Variants in NOS1AP observed in about 807,000 individuals in gnomAD.
NOS1AP encodes carboxyl-terminal PDZ ligand of neuronal nitric oxide synthase protein.
NOS1AP carries 21 observed loss-of-function variants against 56.2 expected under a neutral mutation model. The ratio of observed to expected loss-of-function variants is 0.37; its 90% confidence interval spans 0.26 to 0.54. The LOEUF (loss-of-function observed/expected upper bound fraction) is 0.54. Ranked by LOEUF, NOS1AP falls within the 20% of genes least tolerant of loss-of-function variation. The probability of loss-of-function intolerance (pLI) is 0.84; values close to 1 mark genes in which losing one functional copy is unlikely to be tolerated. For missense variants in NOS1AP, 522 were observed against 657.8 expected (o/e 0.79, Z 2.26); for synonymous variants, 270 against 274.6 (o/e 0.98, Z 0.17).
At chr1:162,072,432 G>A (rs899459598) in intron 1 of NOS1AP, among the ~76,000 whole-genome samples, 1 of 152,196 alleles carries the variant, frequency 6.6e-6, no homozygotes, top group African/African-American at 2.4e-5. Context: ...GGGGCTGTGT[G>A]ATGTAGTTCC....
intron 1 of NOS1AP, among the ~76,000 whole-genome samples, chr1:162,131,263 T>C (rs944285862): frequency 5.3e-5 from 8 of 151,974 alleles, no homozygotes; most frequent in African/African-American, 1.4e-4. Context: ...CAAATAACTG[T>C]ATTAAAATAA....
At chr1:162,155,759 A>C (rs557258418) in intron 2 of NOS1AP, among the ~76,000 whole-genome samples, 1 of 152,310 alleles carries the variant, frequency 6.6e-6, no homozygotes, top group South Asian at 2.1e-4. Flanking sequence ...GAACAGAATA[A>C]ATTACCTTGT....
intron 4 of NOS1AP, among the ~76,000 whole-genome samples, chr1:162,320,401 A>G (rs1198261356): frequency 6.6e-6 from 1 of 152,184 alleles, no homozygotes; most frequent in Non-Finnish European, 1.5e-5. Context: ...CACTGGGAAG[A>G]TTTTGCCTAA....
Position 162,261,547 on chromosome 1 carries a change from C to A in NOS1AP, c.178-25797C>A, listed in dbSNP as rs61808491. Reference sequence around the variant, plus strand: ...GAGAGAGAGAGAGAGAGAGAGAGAGCAATGAAATGACTGGAACAGAGGAAA... The same window carrying A: ...GAGAGAGAGAGAGAGAGAGAGAGAGAAATGAAATGACTGGAACAGAGGAAA... On this transcript the variant is annotated intron_variant, in intron 2 of 9. Coordinates refer to ENST00000361897, the MANE Select transcript of NOS1AP (RefSeq NM_014697.3). Among the ~76,000 whole-genome samples, 76 of 34,178 alleles carry A rather than the reference C, an allele frequency of 2.2e-3. 11 individuals carry two copies. The highest frequency in any genetic ancestry group is 5.0e-3 in the African/African-American group (71 of 14,302). The allele number at this position is 34,178 out of a possible 152,430, so 22.4% of individuals were successfully genotyped here.
At chr1:162,078,620 C>T (rs1558089211) in intron 1 of NOS1AP, among the ~76,000 whole-genome samples, 1 of 152,202 alleles carries the variant, frequency 6.6e-6, no homozygotes, top group Non-Finnish European at 1.5e-5. Context: ...TCTGATCCCC[C>T]TCATCCCTTA....
At position 162,070,192 on chromosome 1, in the gene NOS1AP, C is replaced by A; in HGVS notation, c.15C>A (p.Thr5=). The A allele has an allele frequency of 6.2e-7, 1 of 1,613,926 alleles. No individual in the cohort carries two copies. Among genetic ancestry groups the A allele is most frequent in the Non-Finnish European group, 8.5e-7 (1 of 1,179,852 alleles). Residue 5 remains threonine (T), a synonymous_variant, in exon 1 of 10, where the codon ACC becomes ACA. Transcript: ENST00000361897. MPSK[T]KYNLVDDGHD... ...CGCGGGTAACCATGCCTAGCAAAACCAAGTACAACCTTGTGGACGATGGGC... is the reference window on the plus strand; with the variant it reads ...CGCGGGTAACCATGCCTAGCAAAACAAAGTACAACCTTGTGGACGATGGGC...
At chr1:162,325,076 C>G (rs1006804431) in intron 4 of NOS1AP, among the ~76,000 whole-genome samples, 5 of 152,054 alleles carry the variant, frequency 3.3e-5, no homozygotes, top group African/African-American at 9.7e-5. Context: ...TGCCAAATAG[C>G]CCTGAGGAAG....
chr1:162,206,074 T>C (rs1652153532), intron 2 of NOS1AP, among the ~76,000 whole-genome samples: 1 of 152,238 alleles, frequency 6.6e-6, no homozygotes, highest in Admixed American at 6.5e-5. Context: ...AACAGTAGCA[T>C]AAAACCTTTT....
At chr1:162,273,218 C>G (rs1183459484) in intron 2 of NOS1AP, among the ~76,000 whole-genome samples, 2 of 136,988 alleles carry the variant, frequency 1.5e-5, no homozygotes, top group Non-Finnish European at 3.0e-5. Flanking sequence ...GACTGGAGTG[C>G]AGTGGCGCGA....
chr1:162,329,361 A>AAGAGAGAG (rs112676244), intron 4 of NOS1AP, among the ~76,000 whole-genome samples: 17 of 148,810 alleles, frequency 1.1e-4, no homozygotes, highest in South Asian at 4.3e-4. Flanking sequence ...CCAAGAAAAA[A>AAGAGAGAG]AGAGAGAGAG....
At chr1:162,109,623 A>G (rs1441222687) in intron 1 of NOS1AP, among the ~76,000 whole-genome samples, 1 of 152,184 alleles carries the variant, frequency 6.6e-6, no homozygotes, top group African/African-American at 2.4e-5. Context: ...GTGGTAAAAC[A>G]TTAAATGAAA....
chr1:162,237,270 C>A (rs528930781), intron 2 of NOS1AP, among the ~76,000 whole-genome samples: 445 of 152,346 alleles, frequency 2.9e-3, no homozygotes, highest in Non-Finnish European at 5.6e-3. Context: ...AATCTAATGT[C>A]TTTTAATGTT....
intron 2 of NOS1AP, among the ~76,000 whole-genome samples, chr1:162,229,754 C>T (rs1557840902): frequency 6.6e-6 from 1 of 152,200 alleles, no homozygotes; most frequent in South Asian, 2.1e-4. Flanking sequence ...ATGATAATCC[C>T]AGGGTGGTAG....
chr1:162,271,046 G>A (rs770191736), intron 2 of NOS1AP, among the ~76,000 whole-genome samples: 8 of 152,210 alleles, frequency 5.3e-5, no homozygotes, highest in Non-Finnish European at 1.2e-4. Flanking sequence ...TTGAATATCA[G>A]TTTTGATCTT....
intron 1 of NOS1AP, among the ~76,000 whole-genome samples, chr1:162,127,009 A>G (rs941503761): frequency 1.3e-5 from 2 of 152,150 alleles, no homozygotes; most frequent in Non-Finnish European, 2.9e-5. Context: ...GTAGAGTTTT[A>G]ATTGTACTTC....
intron 3 of NOS1AP, among the ~76,000 whole-genome samples, chr1:162,291,597 C>T (rs564053354): frequency 6.6e-6 from 1 of 152,238 alleles, no homozygotes; most frequent in South Asian, 2.1e-4. Context: ...CTGTAATCTT[C>T]AGGTGCATTA....
intron 3 of NOS1AP, among the ~76,000 whole-genome samples, chr1:162,297,413 C>T (rs1655500372): frequency 6.6e-6 from 1 of 152,164 alleles, no homozygotes; most frequent in South Asian, 2.1e-4. Context: ...TGAGGTGGGC[C>T]CTGGCCTGAG....
At chr1:162,199,235 A>C (rs1174793805) in intron 2 of NOS1AP, among the ~76,000 whole-genome samples, 1 of 151,998 alleles carries the variant, frequency 6.6e-6, no homozygotes, top group Non-Finnish European at 1.5e-5. Context: ...GGAGGTTTTT[A>C]CTCTTTGATG....
chr1:162,147,522 G>GATTC (rs1172203910), intron 1 of NOS1AP, among the ~76,000 whole-genome samples: 2 of 152,114 alleles, frequency 1.3e-5, no homozygotes, highest in Non-Finnish European at 2.9e-5. Flanking sequence ...TTCACATTAT[G>GATTC]ATTCGTGTAC....
Sources: gnomAD v4.1 joint callset for allele counts (sites outside exome capture counted in the v4.1 genomes callset) on GRCh38, gnomAD v4.1.1 for gene constraint, MANE v1.5 for transcripts, NCBI Gene and HGNC (gene_info 2026-07-23, HGNC 2026-07-21) for gene names.